AGO2: variants seen among roughly 807,000 people sequenced by gnomAD.
AGO2 encodes protein argonaute-2.
In AGO2, 5 loss-of-function variants were observed where a neutral mutation model predicts 102.3. The observed-to-expected ratio is 0.05, with a 90% confidence interval of 0.03 to 0.10. The LOEUF is 0.10. AGO2 is among the 10% of genes least tolerant of loss of function. The pLI, the probability that AGO2 is intolerant of heterozygous loss-of-function variation, is 1.00. For synonymous variants in AGO2, 449 were observed against 473.1 expected (o/e 0.95, Z 0.66); for missense variants, 541 against 1,183.7 (o/e 0.46, Z 7.97).
intron 1 of AGO2, among the ~76,000 whole-genome samples, chr8:140,599,009 C>T (rs964480874): frequency 2.0e-5 from 3 of 152,226 alleles, no homozygotes; most frequent in African/African-American, 7.2e-5. Context: ...TCCTGCTGCT[C>T]ACGCTGAGGC....
upstream of AGO2, chr8:140,636,572 A>G (rs909053877): frequency 1.4e-4 from 21 of 152,240 alleles, no homozygotes; most frequent in African/African-American, 4.8e-4. Context: ...GGCTGTCTGC[A>G]TATGGGTGCA....
chr8:140,570,284 G>T lies in AGO2; in HGVS notation c.336+2528C>A, dbSNP rs2073357566. Among the ~76,000 whole-genome samples, 3 of 152,222 alleles carry T rather than the reference G, an allele frequency of 2.0e-5. 1 individual carries two copies. The highest frequency in any genetic ancestry group is 1.3e-4 in the Admixed American group (2 of 15,288). On this transcript the variant is annotated intron_variant, in intron 3 of 18. Transcript: ENST00000220592. Reference sequence around the variant, plus strand: ...TTGTTGCCCAAGGCTGGAGTGCAATGGTGTGATCTTGGCTCACTGCAACCT... The same window carrying T: ...TTGTTGCCCAAGGCTGGAGTGCAATTGTGTGATCTTGGCTCACTGCAACCT...
chr8:140,534,134 C>T (rs560657690), intron 17 of AGO2, among the ~76,000 whole-genome samples: 14 of 152,312 alleles, frequency 9.2e-5, no homozygotes, highest in South Asian at 4.1e-4. Flanking sequence ...GCACATGCTC[C>T]GGCACCCCTT....
chr8:140,578,729 T>C (rs1055076303), intron 2 of AGO2, among the ~76,000 whole-genome samples: 6 of 152,204 alleles, frequency 3.9e-5, no homozygotes, highest in African/African-American at 1.4e-4. Flanking sequence ...GGCCAAGCTG[T>C]TAGTGCTCGT....
Position 140,623,618 on chromosome 8 carries a change from CT to C in AGO2, c.22+11866del, listed in dbSNP as rs374662997. ...AGGGTGCCGTCTTGCTGCGTGCCCC[CT>C]GATGTGGCCATGCTTCCCTCCCGTG... On this transcript the variant is annotated intron_variant, in intron 1 of 18. Coordinates refer to ENST00000220592, the MANE Select transcript of AGO2 (RefSeq NM_012154.5). 6.2e-4 allele frequency among the ~76,000 whole-genome samples: 94 copies of C among 152,214 alleles called. 1 individual carries two copies. The South Asian group carries it at 0.019, about 31-fold the overall frequency.
In AGO2 at chr8:140,572,940, A is replaced by G; in HGVS notation, c.216-8T>C. On this transcript the variant is annotated splice_polypyrimidine_tract_variant and splice_region_variant and intron_variant, in intron 2 of 18. Coordinates refer to ENST00000220592, the MANE Select transcript of AGO2 (RefSeq NM_012154.5). ...ATGTGTTCCACGATTTCCCTGAAAC[A>G]AAGACAAAAGTCGGGCAAAATGTCA... The G allele has an allele frequency of 1.3e-6, 2 of 1,598,470 alleles. No homozygotes were observed. Among genetic ancestry groups the G allele is most frequent in the Non-Finnish European group, 1.7e-6 (2 of 1,172,122 alleles).
At chr8:140,558,100 C>T (rs528511868) in intron 7 of AGO2, among the ~76,000 whole-genome samples, 3 of 152,334 alleles carry the variant, frequency 2.0e-5, no homozygotes, top group African/African-American at 4.8e-5. Flanking sequence ...CGTACCAAAC[C>T]GTGCTCTTGC....
chr8:140,541,148 T>C lies in AGO2; in HGVS notation c.2034+16A>G. The C allele has an allele frequency of 6.5e-7, 1 of 1,534,884 alleles. No homozygotes were observed. The highest frequency in any genetic ancestry group is 8.8e-7 in the Non-Finnish European group (1 of 1,137,464). ...GACCCCAGAGAAGGGGAGGGAAGGT[T>C]CCAAGAGGCGCCCACCTGCTGGAAC... On this transcript the variant is annotated intron_variant, in intron 15 of 18. Transcript: ENST00000220592.
intron 3 of AGO2, among the ~76,000 whole-genome samples, chr8:140,565,395 C>T (rs184744816): frequency 0.01 from 1,502 of 149,056 alleles, 27 homozygotes; most frequent in African/African-American, 0.032. Context: ...GCCGAGATCG[C>T]GCCACTGCAC....
At chr8:140,551,466 A>G (rs768913028) in intron 10 of AGO2, 30 bp from the exon 11 acceptor site, 1 of 1,489,900 alleles carries the variant, frequency 6.7e-7, no homozygotes, top group Admixed American at 2.1e-5. Flanking sequence ...CAGGGTGAGA[A>G]AAAAATGGAA....
At chr8:140,559,154 A>T (rs2132937980) in intron 6 of AGO2, among the ~76,000 whole-genome samples, 1 of 152,270 alleles carries the variant, frequency 6.6e-6, no homozygotes, top group East Asian at 1.9e-4. Flanking sequence ...CATGACTCAG[A>T]CGTGACTGAC....
chr8:140,568,103 CA>C lies in AGO2; in HGVS notation c.336+4708del, dbSNP rs553804959. 1.5e-3 allele frequency among the ~76,000 whole-genome samples: 162 copies of C among 110,648 alleles called. 1 individual carries two copies. Among genetic ancestry groups the C allele is most frequent in the Middle Eastern group, 5.3e-3 (1 of 188 alleles). 72.6% of individuals were successfully genotyped at this position (110,648 alleles called of 152,430 possible). On this transcript the variant is annotated intron_variant, in intron 3 of 18. Transcript: ENST00000220592. The stretch of plus-strand genomic sequence containing the variant: ...TAAAACCCCGTCTCTACTAAAAATA[CA>C]AAAAAAAAAAAAAAAAAAAAGAAAA...
In AGO2 at chr8:140,532,408, C is replaced by T; in HGVS notation, c.2471+8G>A. 6.2e-7 allele frequency: 1 copy of T among 1,609,054 alleles called. No individual in the cohort carries two copies. ...CTGCTGTGACCTCCAGCCAGGCATGCCACTCACCTGTCATGTTCCTTATCC... is the reference window on the plus strand; with the variant it reads ...CTGCTGTGACCTCCAGCCAGGCATGTCACTCACCTGTCATGTTCCTTATCC... On this transcript the variant is annotated splice_region_variant and intron_variant, in intron 18 of 18. Coordinates refer to ENST00000220592, the MANE Select transcript of AGO2 (RefSeq NM_012154.5).
chr8:140,534,761 C>T (rs768310767), intron 17 of AGO2, among the ~76,000 whole-genome samples: 1 of 152,202 alleles, frequency 6.6e-6, no homozygotes, highest in Non-Finnish European at 1.5e-5. Flanking sequence ...AACCAAAAGC[C>T]CCTCTGATCA....
chr8:140,629,529 G>A (rs7004365), intron 1 of AGO2, among the ~76,000 whole-genome samples: 99,711 of 151,728 alleles, frequency 0.66, 33,521 homozygotes, highest in Admixed American at 0.76. Context: ...TGTCCATCTC[G>A]ATGACAGTGA....
At chr8:140,573,569 A>G (rs1280790473) in intron 2 of AGO2, among the ~76,000 whole-genome samples, 1 of 152,182 alleles carries the variant, frequency 6.6e-6, no homozygotes, top group Non-Finnish European at 1.5e-5. Flanking sequence ...AACTAGACCC[A>G]TGAGTGGGTT....
chr8:140,606,106 ATAAG>A (rs1477457403), intron 1 of AGO2, among the ~76,000 whole-genome samples: 1 of 152,220 alleles, frequency 6.6e-6, no homozygotes, highest in Non-Finnish European at 1.5e-5. Context: ...AAGGTCTACT[ATAAG>A]TAAGGTAAGA....
intron 17 of AGO2, among the ~76,000 whole-genome samples, chr8:140,533,761 C>CA (rs111865885): frequency 5.5e-4 from 83 of 150,982 alleles, no homozygotes; most frequent in African/African-American, 1.8e-3. Context: ...GAGCTGAGTA[C>CA]ACGCCACTGC....
chr8:140,557,054 A>G lies in AGO2; in HGVS notation c.1026+35T>C. 1 of 1,588,910 alleles carries G rather than the reference A, an allele frequency of 6.3e-7. No individual in the cohort carries two copies. ...CCCAGCCTGGGACGCCGCCCTCCCA[A>G]GCCCCCAGAGACACACAGGAAGAGG... On this transcript the variant is annotated intron_variant, in intron 8 of 18. Transcript: ENST00000220592. This position sits in a 1 kb window ranked among gnomAD's most constrained non-coding sequence, Gnocchi z 5.9.
Sources: gnomAD v4.1 joint callset for allele counts (sites outside exome capture counted in the v4.1 genomes callset) on GRCh38, gnomAD v4.1.1 for gene constraint, Gnocchi (gnomAD v3.1) non-coding constraint, MANE v1.5 for transcripts, NCBI Gene and HGNC (gene_info 2026-07-23, HGNC 2026-07-21) for gene names.